Variants in ANKRD33B observed in about 807,000 individuals in gnomAD.
ANKRD33B encodes the protein ankyrin repeat domain-containing protein 33B.
ANKRD33B carries 6 observed loss-of-function variants against 21.5 expected under a neutral mutation model. The observed-to-expected ratio is 0.28, with a 90% CI of 0.15 to 0.55. The LOEUF is 0.55. Ranked by LOEUF, ANKRD33B falls within the 20% of genes least tolerant of loss-of-function variation. The pLI is 0.94. For synonymous variants in ANKRD33B, 347 were observed against 342.4 expected, an observed-to-expected ratio of 1.01 and a Z score of -0.15; for missense variants, 698 against 747.2, an observed-to-expected ratio of 0.93 and a Z score of 0.77.
At chr5:10,577,291 G>A (rs897433763) in intron 1 of ANKRD33B, among the ~76,000 whole-genome samples, 9 of 152,014 alleles carry the variant, frequency 5.9e-5, no homozygotes, top group Admixed American at 2.6e-4. Context: ...CACCATGCCT[G>A]GCTAATTTTG....
At chr5:10,599,231 C>G (rs940676670) in intron 1 of ANKRD33B, among the ~76,000 whole-genome samples, 2 of 151,920 alleles carry the variant, frequency 1.3e-5, no homozygotes, top group African/African-American at 4.8e-5. Context: ...GTGTGTACCA[C>G]TAGGTTGCTT....
At chr5:10,568,691 C>A (rs1043097695) in intron 1 of ANKRD33B, among the ~76,000 whole-genome samples, 18 of 152,216 alleles carry the variant, frequency 1.2e-4, no homozygotes, top group African/African-American at 4.1e-4. Flanking sequence ...TGCGCCACCA[C>A]GCCCGGCTAA....
At chr5:10,586,424 T>G (rs1735560718) in intron 1 of ANKRD33B, among the ~76,000 whole-genome samples, 1 of 152,080 alleles carries the variant, frequency 6.6e-6, no homozygotes. Context: ...TCTACTTGAT[T>G]GGAAGTTCTT....
intron 1 of ANKRD33B, among the ~76,000 whole-genome samples, chr5:10,586,876 C>T (rs933018877): frequency 6.6e-6 from 1 of 152,092 alleles, no homozygotes. Flanking sequence ...TTTAAATCAA[C>T]AGCAGTATTT....
At chr5:10,638,680 C>T (rs993652249) in intron 3 of ANKRD33B, among the ~76,000 whole-genome samples, 3 of 151,688 alleles carry the variant, frequency 2.0e-5, no homozygotes, top group South Asian at 2.1e-4. Context: ...TGGGAGGTGA[C>T]GTGGAGTTGC....
rs1441135140 is a variant in ANKRD33B at position 10,657,622 on chromosome 5, C to T, written c.*7509C>T. On this transcript the variant is annotated 3_prime_UTR_variant, in exon 4 of 4. Coordinates refer to ENST00000296657, the MANE Select transcript of ANKRD33B (RefSeq NM_001164440.2). ...TACAAATAAATGTGATTCCCAGCAGCTTCAATTTTTGATATTCAAAAAGTT... is the reference window on the plus strand; with the variant it reads ...TACAAATAAATGTGATTCCCAGCAGTTTCAATTTTTGATATTCAAAAAGTT... 2 of 152,248 alleles carry T rather than the reference C, an allele frequency of 1.3e-5. No individual in the cohort carries two copies. The highest frequency in any genetic ancestry group is 2.4e-5 in the African/African-American group (1 of 41,432). The allele number at this position is 152,248 out of a possible 1,614,324, so 9.4% of individuals were successfully genotyped here.
rs532910159 is a variant in ANKRD33B, at chr5:10,652,191, C to A, written c.*2078C>A. On this transcript the variant is annotated 3_prime_UTR_variant, in exon 4 of 4. Transcript: ENST00000296657. The surrounding 1 kb of genome is among the most constrained non-coding windows in gnomAD (Gnocchi z 4.1). ...ACCCTCACCTCTGTCAACCGAGGAC[C>A]CAGCCAGGCAGTGCCATGTGGTCTC... 6.6e-6 allele frequency: 1 copy of A among 152,604 alleles called. No individual in the cohort carries two copies. Among genetic ancestry groups the A allele is most frequent in the Admixed American group, 6.5e-5 (1 of 15,306 alleles). 9.5% of individuals were successfully genotyped at this position (152,604 alleles called of 1,614,324 possible).
Position 10,564,383 on chromosome 5 carries a change from C to G in ANKRD33B, c.-85C>G, listed in dbSNP as rs1194982062. 9.8e-6 allele frequency: 9 copies of G among 918,890 alleles called. No homozygotes were observed. Among genetic ancestry groups the G allele is most frequent in the Non-Finnish European group, 1.2e-5 (9 of 764,208 alleles). 56.9% of individuals were successfully genotyped at this position (918,890 alleles called of 1,614,324 possible). ...CACGGCTTCTCTGGGGACGCAGAAG[C>G]GAGAAGCGGGGACCTCGGCGCGCGC... On this transcript the variant is annotated 5_prime_UTR_variant, in exon 1 of 4. Transcript: ENST00000296657.
chr5:10,581,286 A>G (rs1735437856), intron 1 of ANKRD33B, among the ~76,000 whole-genome samples: 1 of 152,174 alleles, frequency 6.6e-6, no homozygotes, highest in Non-Finnish European at 1.5e-5. Context: ...TGCTTTGGGG[A>G]CTGGGATGCC....
chr5:10,642,894 G>GTT (rs1234240968), intron 3 of ANKRD33B, among the ~76,000 whole-genome samples: 17 of 152,062 alleles, frequency 1.1e-4, no homozygotes, highest in African/African-American at 3.9e-4. Flanking sequence ...GTTTTTGTTT[G>GTT]TTTGTTTTGC....
In ANKRD33B at chr5:10,649,733, G is replaced by A. The variant is rs1418877571; in HGVS notation, c.1105G>A (p.Gly369Arg). 8 of 1,483,146 alleles carry A rather than the reference G, an allele frequency of 5.4e-6. No homozygotes were observed. In the East Asian group the frequency reaches 7.7e-5, roughly 14 times the overall value. 91.9% of individuals were successfully genotyped at this position (1,483,146 alleles called of 1,614,324 possible). ...EDEVGGAGQRGRTGQEDADSR... is the reference protein window; with the variant it reads ...EDEVGGAGQRRRTGQEDADSR... ...TGAGGTGGGGGGCGCGGGGCAGCGCGGGCGGACCGGACAGGAGGACGCGGA... is the reference window on the plus strand; with the variant it reads ...TGAGGTGGGGGGCGCGGGGCAGCGCAGGCGGACCGGACAGGAGGACGCGGA... The change falls in exon 4 of 4, where the codon GGG becomes AGG. Residue 369 changes from glycine to arginine, a missense_variant. Around this residue, in one of 3 missense-constraint regions of ANKRD33B, gnomAD observed 543 missense variants for 566.5 expected, o/e 0.96. Transcript: ENST00000296657.
At chr5:10,618,745 A>G (rs1034639262) in intron 2 of ANKRD33B, among the ~76,000 whole-genome samples, 1 of 152,166 alleles carries the variant, frequency 6.6e-6, no homozygotes. Flanking sequence ...CTGAAGCCTC[A>G]CACTCCATCC....
intron 2 of ANKRD33B, among the ~76,000 whole-genome samples, chr5:10,632,450 C>A (rs1235614270): frequency 6.6e-6 from 1 of 152,170 alleles, no homozygotes; most frequent in Non-Finnish European, 1.5e-5. Context: ...AAGGCACCTT[C>A]GCATCCATGC....
At chr5:10,642,441 G>A (rs986279573) in intron 3 of ANKRD33B, among the ~76,000 whole-genome samples, 1 of 152,134 alleles carries the variant, frequency 6.6e-6, no homozygotes, top group African/African-American at 2.4e-5. Context: ...GTCTCTCCCT[G>A]TCCTATACGA....
chr5:10,565,969 G>A (rs536051055), intron 1 of ANKRD33B, among the ~76,000 whole-genome samples: 1 of 152,332 alleles, frequency 6.6e-6, no homozygotes, highest in East Asian at 1.9e-4. Flanking sequence ...TGGGGCAAGT[G>A]GTTTGCCCTG....
intron 3 of ANKRD33B, among the ~76,000 whole-genome samples, chr5:10,641,161 C>A (rs920310911): frequency 6.6e-5 from 10 of 151,880 alleles, no homozygotes; most frequent in African/African-American, 2.4e-4. Context: ...GTTCCAGGAC[C>A]CCTGCTGGGC....
intron 3 of ANKRD33B, among the ~76,000 whole-genome samples, chr5:10,640,420 C>CA (rs1490962248): frequency 2.0e-5 from 3 of 152,178 alleles, no homozygotes; most frequent in Admixed American, 6.5e-5. Context: ...AGAGGCTATC[C>CA]AGCTTCAATG....
rs1411410418 is a variant in ANKRD33B at position 10,576,353 on chromosome 5, G to A, written c.366+11520G>A. ...TTCATGGGCCAGCAGCGTTGGCATC[G>A]CCTGGGAGCTTCTACCAAATGCAGG... On this transcript the variant is annotated intron_variant, in intron 1 of 3. Coordinates refer to ENST00000296657, the MANE Select transcript of ANKRD33B (RefSeq NM_001164440.2). This position sits in a 1 kb window ranked among gnomAD's most constrained non-coding sequence, Gnocchi z 4.1. Among the ~76,000 whole-genome samples the A allele has an allele frequency of 6.6e-6, 1 of 152,158 alleles. No individual in the cohort carries two copies. Among genetic ancestry groups the A allele is most frequent in the Admixed American group, 6.5e-5 (1 of 15,282 alleles).
At chr5:10,569,907 C>T (rs1228561344) in intron 1 of ANKRD33B, among the ~76,000 whole-genome samples, 5 of 152,070 alleles carry the variant, frequency 3.3e-5, no homozygotes, top group East Asian at 1.9e-4. Flanking sequence ...GATGGAGTCT[C>T]GCTCTGTCAC....
Sources: gnomAD v4.1 joint callset for allele counts (sites outside exome capture counted in the v4.1 genomes callset) on GRCh38, gnomAD v4.1.1 for gene constraint, gnomAD v4.1.1 regional missense constraint, Gnocchi (gnomAD v3.1) non-coding constraint, MANE v1.5 for transcripts, NCBI Gene and HGNC (gene_info 2026-07-23, HGNC 2026-07-21) for gene names.